ZNF516: variants seen among roughly 807,000 people sequenced by gnomAD.
The protein encoded by ZNF516 is zinc finger protein 516.
A neutral mutation model predicts 79.7 loss-of-function variants in ZNF516; 19 were observed. The ratio of observed to expected loss-of-function variants is 0.24; its 90% confidence interval spans 0.17 to 0.35. The LOEUF is 0.35. ZNF516 is among the 10% of genes least tolerant of loss of function. ZNF516 has a pLI of 1.00. For synonymous variants in ZNF516, 877 were observed against 739.5 expected (o/e 1.19, Z -3.02); for missense variants, 1,678 against 1,679.5 (o/e 1.00, Z 0.02).
chr18:76,425,782 G>A (rs550461466), intron 3 of ZNF516, among the ~76,000 whole-genome samples: 168 of 152,264 alleles, frequency 1.1e-3, no homozygotes, highest in South Asian at 2.7e-3. Context: ...GACCCATGCG[G>A]CACTCAAGTC....
intron 1 of ZNF516, among the ~76,000 whole-genome samples, chr18:76,464,712 G>T (rs1037112859): frequency 1.3e-5 from 2 of 150,320 alleles, no homozygotes; most frequent in Admixed American, 6.6e-5. Flanking sequence ...GGCACCCCCA[G>T]CCTGGCCATT....
In ZNF516 at chr18:76,360,640, A is replaced by ATATATATATATATATATAT. The variant is rs1239135425; in HGVS notation, c.*1857_*1858insATATATATATATATATATA. ...TATCAGAAAAAAATAAGTAAAAAAA[A>ATATATATATATATATATAT]AAAAAAATATATATATATATATATA... is the stretch of plus-strand genomic sequence containing the variant. On this transcript the variant is annotated 3_prime_UTR_variant, in exon 7 of 7. Coordinates refer to ENST00000443185, the MANE Select transcript of ZNF516 (RefSeq NM_014643.4). The ATATATATATATATATATAT allele has an allele frequency of 9.3e-6, 1 of 107,508 alleles. No homozygotes were observed. The highest frequency in any genetic ancestry group is 2.0e-5 in the Non-Finnish European group (1 of 50,412). 6.7% of individuals were successfully genotyped at this position (107,508 alleles called of 1,614,324 possible).
At chr18:76,423,931 TGCAGGTGAAAAGGCTCCCCCGAAACACAC>T (rs2075550466) in intron 3 of ZNF516, among the ~76,000 whole-genome samples, 17 of 30,502 alleles carry the variant, frequency 5.6e-4, no homozygotes, top group South Asian at 3.9e-3. Context: ...GAAACACACA[TGCAGGTGAAAAGGCTCCCCCGAAACACAC>T]GCAGGTGAAA....
rs1269203463 is a variant in ZNF516, at chr18:76,379,816, G to A, written c.2298C>T (p.Ser766=). The change falls in exon 4 of 7, where the codon AGC becomes AGT. Residue 766 remains serine, a synonymous_variant. Transcript: ENST00000443185. ...ALVVHPCPYC[S]HKTYYPEVLW... ...GGACCTCGGGGTAGTAGGTCTTGTG[G>A]CTGCAGTAAGGACACGGGTGAACGA... 3.7e-6 allele frequency: 6 copies of A among 1,613,808 alleles called. No individual in the cohort carries two copies. The Admixed American group carries it at 6.7e-5, about 18-fold the overall frequency.
intron 3 of ZNF516, among the ~76,000 whole-genome samples, chr18:76,433,993 A>G (rs1222337072): frequency 6.6e-6 from 1 of 151,772 alleles, no homozygotes; most frequent in Admixed American, 6.6e-5. Context: ...TCACAGGTGC[A>G]CCAAGCCCTC....
Position 76,357,877 on chromosome 18 carries a change from G to A in ZNF516, c.*4621C>T, listed in dbSNP as rs1296044991. ...CGTCCTGTATGGGTGACAGTGCAAGGGTAAGAACAGTGGGTGTATTCAGTG... is the reference window on the plus strand; with the variant it reads ...CGTCCTGTATGGGTGACAGTGCAAGAGTAAGAACAGTGGGTGTATTCAGTG... On this transcript the variant is annotated 3_prime_UTR_variant, in exon 7 of 7. Transcript: ENST00000443185. Among the ~76,000 whole-genome samples, 1 of 152,030 alleles carries A rather than the reference G, an allele frequency of 6.6e-6. No individual in the cohort carries two copies. Among genetic ancestry groups the A allele is most frequent in the Non-Finnish European group, 1.5e-5 (1 of 68,020 alleles).
intron 3 of ZNF516, among the ~76,000 whole-genome samples, chr18:76,385,436 A>G (rs982289951): frequency 6.6e-5 from 10 of 152,232 alleles, no homozygotes; most frequent in Admixed American, 6.5e-4. Context: ...CTTTGTATAA[A>G]GTTACTCCCC....
chr18:76,378,977 G>T lies in ZNF516; in HGVS notation c.3137C>A (p.Pro1046Gln). The stretch of plus-strand genomic sequence containing the variant: ...GCGCTTCTCATGCCCCTCGGCCACC[G>T]GCTCCTGTTTGATGGAGTGTAGGAC... Reference protein sequence around the residue: ...PPVLHSIKQEPVAEGHEKRLD... With the variant: ...PPVLHSIKQEQVAEGHEKRLD... The change falls in exon 4 of 7, where the codon CCG (proline) becomes CAG (glutamine). Residue 1046 changes from proline (P) to glutamine (Q), a missense_variant. Pro to Gln is a moderately conservative substitution (Grantham distance 76). This residue lies in a region of ZNF516 where 1,294 missense variants were observed against 1,248.3 expected (regional missense o/e 1.04). Coordinates refer to ENST00000443185, the MANE Select transcript of ZNF516 (RefSeq NM_014643.4). 1 of 1,613,594 alleles carries T rather than the reference G, an allele frequency of 6.2e-7. No homozygotes were observed. Among genetic ancestry groups the T allele is most frequent in the Non-Finnish European group, 8.5e-7 (1 of 1,179,788 alleles).
At chr18:76,437,101 T>C (rs61287445) in intron 3 of ZNF516, among the ~76,000 whole-genome samples, 4,974 of 30,598 alleles carry the variant, frequency 0.16, 175 homozygotes, top group African/African-American at 0.31. Flanking sequence ...CACACACACA[T>C]ACCGTCTCTC....
chr18:76,429,087 G>C (rs1020359771), intron 3 of ZNF516, among the ~76,000 whole-genome samples: 1 of 152,244 alleles, frequency 6.6e-6, no homozygotes, highest in Non-Finnish European at 1.5e-5. Context: ...GACAAGATCA[G>C]CAGCACCTGG....
At chr18:76,390,110 C>A (rs551215718) in intron 3 of ZNF516, among the ~76,000 whole-genome samples, 3 of 152,220 alleles carry the variant, frequency 2.0e-5, no homozygotes, top group Non-Finnish European at 4.4e-5. Flanking sequence ...CTACACAAAA[C>A]GTCCTGACGG....
chr18:76,458,269 C>G (rs769638419), intron 2 of ZNF516, among the ~76,000 whole-genome samples: 3 of 152,184 alleles, frequency 2.0e-5, no homozygotes, highest in Non-Finnish European at 4.4e-5. Context: ...CGTCCTTTCA[C>G]TTAAAGTTGC....
chr18:76,413,564 C>CA (rs36001974), intron 3 of ZNF516, among the ~76,000 whole-genome samples: 7 of 149,868 alleles, frequency 4.7e-5, no homozygotes, highest in Admixed American at 2.0e-4. Flanking sequence ...TTTTTTGTTT[C>CA]AAAAAAAAAA....
intron 3 of ZNF516, among the ~76,000 whole-genome samples, chr18:76,436,932 TG>T (rs1163314624): frequency 2.0e-5 from 3 of 152,024 alleles, no homozygotes; most frequent in Non-Finnish European, 4.4e-5. Flanking sequence ...TAGCCACGTG[TG>T]GTGACCGCCT....
chr18:76,459,226 T>TC lies in ZNF516; in HGVS notation c.-158+3801dup, dbSNP rs914218675. 6.5e-4 allele frequency among the ~76,000 whole-genome samples: 99 copies of TC among 152,250 alleles called. No individual in the cohort carries two copies. The highest frequency in any genetic ancestry group is 1.2e-3 in the Non-Finnish European group (85 of 68,026). ...CCTCTCCTGTGCATAGGGCGCTCTC[T>TC]CCCTGCCCCGAGCTTCGGCTTCTCC... On this transcript the variant is annotated intron_variant, in intron 2 of 6. Coordinates refer to ENST00000443185, the MANE Select transcript of ZNF516 (RefSeq NM_014643.4). This position sits in a 1 kb window ranked among gnomAD's most constrained non-coding sequence, Gnocchi z 5.0.
intron 3 of ZNF516, among the ~76,000 whole-genome samples, chr18:76,436,299 T>C (rs569776178): frequency 7.2e-5 from 11 of 152,322 alleles, no homozygotes; most frequent in African/African-American, 2.4e-4. Context: ...CCCAGCCGTG[T>C]GTGCTTTCCT....
chr18:76,474,688 A>C (rs552960631), intron 1 of ZNF516, among the ~76,000 whole-genome samples: 1 of 152,230 alleles, frequency 6.6e-6, no homozygotes, highest in Non-Finnish European at 1.5e-5. Flanking sequence ...GAAAAACTAC[A>C]GTAAAACTGA....
At chr18:76,466,449 GCT>G (rs1913475321) in intron 1 of ZNF516, among the ~76,000 whole-genome samples, 1 of 152,188 alleles carries the variant, frequency 6.6e-6, no homozygotes, top group Non-Finnish European at 1.5e-5. Flanking sequence ...GGAGGCCGAC[GCT>G]CTGCACGCTC....
At chr18:76,378,365 T>TTAA in intron 4 of ZNF516, 1 of 153,038 alleles carries the variant, frequency 6.5e-6, no homozygotes, top group Non-Finnish European at 1.5e-5. Flanking sequence ...CTTACTAATA[T>TTAA]TAGAGGACTA....
Sources: allele counts gnomAD v4.1 joint callset (sites outside exome capture counted in the v4.1 genomes callset), GRCh38; gene constraint gnomAD v4.1.1; regional missense constraint gnomAD v4.1.1; non-coding constraint Gnocchi (gnomAD v3.1); transcripts MANE v1.5; gene names NCBI Gene and HGNC (gene_info 2026-07-23, HGNC 2026-07-21).